The following MYZAP variants were observed in gnomAD, a reference collection of about 807,000 sequenced individuals.
MYZAP encodes the protein myocardial zonula adherens protein, also known as GRINL1A complex locus upstream.
Under a neutral mutation model 69.4 loss-of-function variants are expected in MYZAP, and 66 were observed. The ratio of observed to expected loss-of-function variants is 0.95; its 90% CI spans 0.78 to 1.17. The LOEUF (loss-of-function observed/expected upper bound fraction) is 1.17. Among genes scored for constraint, MYZAP ranks in the 50% most tolerant of loss-of-function variants. The probability of loss-of-function intolerance (pLI) is 0.00; values close to 1 mark genes in which losing one functional copy is unlikely to be tolerated. For synonymous variants in MYZAP, 256 were observed against 205.9 expected, an observed-to-expected ratio of 1.24 and a Z score of -2.09; for missense variants, 611 against 556.2, an observed-to-expected ratio of 1.10 and a Z score of -0.99.
At chr15:57,651,526 C>T (rs2037726305) in intron 10 of MYZAP, among the ~76,000 whole-genome samples, 1 of 152,188 alleles carries the variant, frequency 6.6e-6, no homozygotes, top group Non-Finnish European at 1.5e-5. Flanking sequence ...CATAGGTTGT[C>T]ATCACTGGGA....
chr15:57,593,245 A>G (rs2033842502), intron 1 of MYZAP, among the ~76,000 whole-genome samples: 2 of 140,898 alleles, frequency 1.4e-5, no homozygotes, highest in South Asian at 4.7e-4. Flanking sequence ...CTCATGCCCA[A>G]GGTTGACAGA....
intron 10 of MYZAP, chr15:57,648,140 C>G (rs1301641893): frequency 1.0e-6 from 1 of 981,226 alleles, no homozygotes; most frequent in Admixed American, 6.1e-5. Context: ...AAATCTTAGA[C>G]AATTTATCTA....
intron 9 of MYZAP, 59 bp from the exon 10 acceptor site, chr15:57,639,381 C>A: frequency 6.4e-7 from 1 of 1,558,476 alleles, no homozygotes; most frequent in Non-Finnish European, 8.8e-7. Flanking sequence ...GTGACTGTTG[C>A]TACTGCTGTT....
At chr15:57,595,376 C>CG (rs1355121231) in intron 1 of MYZAP, among the ~76,000 whole-genome samples, 6 of 152,194 alleles carry the variant, frequency 3.9e-5, no homozygotes, top group Non-Finnish European at 4.4e-5. Flanking sequence ...TGGAGAATAA[C>CG]CACAGCCAGA....
intron 12 of MYZAP, among the ~76,000 whole-genome samples, chr15:57,676,296 C>A (rs139740211): frequency 3.4e-4 from 52 of 151,566 alleles, no homozygotes; most frequent in African/African-American, 1.1e-3. Flanking sequence ...TTACCAAAAG[C>A]GGCATTAGGT....
At chr15:57,641,454 A>G (rs1197357769) in intron 10 of MYZAP, among the ~76,000 whole-genome samples, 5 of 152,112 alleles carry the variant, frequency 3.3e-5, no homozygotes, top group African/African-American at 1.2e-4. Flanking sequence ...GCATATAAAG[A>G]TCACTGTCCA....
At chr15:57,604,014 A>G (rs987366135) in intron 1 of MYZAP, among the ~76,000 whole-genome samples, 26 of 152,204 alleles carry the variant, frequency 1.7e-4, no homozygotes, top group Admixed American at 1.3e-3. Context: ...ATTGGTAAAG[A>G]AATGTTTGAA....
chr15:57,621,970 C>G (rs1461139440), intron 4 of MYZAP, among the ~76,000 whole-genome samples: 3 of 152,112 alleles, frequency 2.0e-5, no homozygotes, highest in Non-Finnish European at 4.4e-5. Flanking sequence ...TATTATTTAA[C>G]ATTGTTCTTC....
chr15:57,624,712 A>G (rs2036021932), intron 4 of MYZAP, among the ~76,000 whole-genome samples: 1 of 152,190 alleles, frequency 6.6e-6, no homozygotes, highest in Admixed American at 6.5e-5. Context: ...CTCTCTGCCT[A>G]CTGGTCTCCT....
intron 8 of MYZAP, among the ~76,000 whole-genome samples, chr15:57,637,256 A>T (rs1339559907): frequency 6.6e-6 from 1 of 152,218 alleles, no homozygotes; most frequent in Non-Finnish European, 1.5e-5. Context: ...TGACCACAAC[A>T]TATTTTTACA....
chr15:57,645,813 T>A (rs1233254053), intron 10 of MYZAP, among the ~76,000 whole-genome samples: 1 of 152,232 alleles, frequency 6.6e-6, no homozygotes, highest in Non-Finnish European at 1.5e-5. Flanking sequence ...TTCTCTTTTG[T>A]GCTCTGTGCT....
Position 57,678,262 on chromosome 15 carries a change from T to A in MYZAP, c.1304+3194T>A, listed in dbSNP as rs2039243700. On this transcript the variant is annotated intron_variant, in intron 12 of 12. Coordinates refer to ENST00000267853, the MANE Select transcript of MYZAP (RefSeq NM_001018100.5). ...CTGTAATCCCAGCTACTCAGGAGGC[T>A]GAGACAGGAGAATAGCTTGAACCCG... Among the ~76,000 whole-genome samples the A allele has an allele frequency of 2.6e-5, 4 of 151,974 alleles. No homozygotes were observed. The South Asian group carries it at 8.3e-4, about 32-fold the overall frequency.
At chr15:57,625,395 A>G (rs1004685657) in intron 4 of MYZAP, among the ~76,000 whole-genome samples, 1 of 152,186 alleles carries the variant, frequency 6.6e-6, no homozygotes, top group Non-Finnish European at 1.5e-5. Flanking sequence ...TATTCTCTCC[A>G]TGGTGACTAC....
At chr15:57,647,238 G>C (rs747443235) in intron 10 of MYZAP, 1 of 985,256 alleles carries the variant, frequency 1.0e-6, no homozygotes, top group Non-Finnish European at 1.2e-6. Context: ...ATACTTTTCC[G>C]CATTAGTTAT....
At chr15:57,626,416 T>C (rs1336931713) in intron 5 of MYZAP, among the ~76,000 whole-genome samples, 1 of 152,228 alleles carries the variant, frequency 6.6e-6, no homozygotes, top group Non-Finnish European at 1.5e-5. Flanking sequence ...AGACCCGGTA[T>C]CTTATATTTG....
intron 8 of MYZAP, among the ~76,000 whole-genome samples, chr15:57,636,773 A>C (rs1407719799): frequency 2.0e-5 from 3 of 152,234 alleles, no homozygotes; most frequent in Non-Finnish European, 4.4e-5. Flanking sequence ...CTAAATATAC[A>C]TATATATAGC....
At chr15:57,626,209 C>T (rs755154740) in intron 5 of MYZAP, among the ~76,000 whole-genome samples, 4 of 152,214 alleles carry the variant, frequency 2.6e-5, no homozygotes, top group African/African-American at 7.2e-5. Context: ...CGTCAGCCCT[C>T]TTCCTCCAGT....
intron 1 of MYZAP, among the ~76,000 whole-genome samples, chr15:57,602,804 G>A (rs2414515): frequency 1.1e-4 from 16 of 152,056 alleles, no homozygotes; most frequent in Admixed American, 1.3e-4. Context: ...GCAGGTAAGA[G>A]AATCTCTTAC....
chr15:57,609,951 A>G (rs1181065094), intron 2 of MYZAP, among the ~76,000 whole-genome samples: 1 of 152,208 alleles, frequency 6.6e-6, no homozygotes, highest in African/African-American at 2.4e-5. Context: ...GCAGGGACAC[A>G]CACACACAGA....
Sources: allele counts gnomAD v4.1 joint callset (sites outside exome capture counted in the v4.1 genomes callset), GRCh38; gene constraint gnomAD v4.1.1; transcripts MANE v1.5; gene names NCBI Gene and HGNC (gene_info 2026-07-23, HGNC 2026-07-21).